The following RORB variants were observed in gnomAD, a reference collection of about 807,000 sequenced individuals.
The protein encoded by RORB is RAR related orphan receptor B.
A neutral mutation model predicts 59.1 loss-of-function variants in RORB; 6 were observed. The observed-to-expected ratio is 0.10, with a 90% confidence interval of 0.06 to 0.20. RORB has a LOEUF of 0.20. Among genes scored for constraint, RORB ranks in the 10% least tolerant of loss-of-function variants. The pLI is 1.00. For missense variants in RORB, 320 were observed against 560.5 expected (o/e 0.57, Z 4.33); for synonymous variants, 215 against 204.5 (o/e 1.05, Z -0.44).
intron 5 of RORB, 124 bp downstream of exon 5, chr9:74,660,862 C>T (rs1221213281): frequency 5.2e-6 from 5 of 957,018 alleles, no homozygotes; most frequent in East Asian, 5.3e-5. Flanking sequence ...GCAAATTGTT[C>T]GATACTTACC....
At chr9:74,617,297 T>C (rs1343743459) in intron 1 of RORB, among the ~76,000 whole-genome samples, 1 of 152,154 alleles carries the variant, frequency 6.6e-6, no homozygotes, top group Non-Finnish European at 1.5e-5. Context: ...CATTAGATTG[T>C]TCTACTTGTA....
At chr9:74,658,529 G>C (rs1272458058) in intron 4 of RORB, among the ~76,000 whole-genome samples, 1 of 152,144 alleles carries the variant, frequency 6.6e-6, no homozygotes, top group Non-Finnish European at 1.5e-5. Context: ...CAATACAATT[G>C]TGAGTGGCAA....
intron 1 of RORB, among the ~76,000 whole-genome samples, chr9:74,557,102 C>T (rs993550548): frequency 5.9e-5 from 9 of 152,042 alleles, no homozygotes; most frequent in East Asian, 3.9e-4. Context: ...TCATAAGACA[C>T]GGGTGAAGTT....
intron 4 of RORB, among the ~76,000 whole-genome samples, chr9:74,644,726 GA>G (rs1587403130): frequency 6.6e-6 from 1 of 152,184 alleles, no homozygotes; most frequent in East Asian, 1.9e-4. Context: ...TAATTTGAGA[GA>G]TATGTTTGAA....
intron 9 of RORB, among the ~76,000 whole-genome samples, chr9:74,680,607 G>T (rs1404211875): frequency 6.6e-6 from 1 of 152,168 alleles, no homozygotes. Context: ...CCAGAAAGAT[G>T]TCTCAAGTTT....
chr9:74,649,790 T>C (rs1056680491), intron 4 of RORB, among the ~76,000 whole-genome samples: 1 of 152,228 alleles, frequency 6.6e-6, no homozygotes, highest in Non-Finnish European at 1.5e-5. Context: ...TTACAGTACA[T>C]GTGTGCATAT....
chr9:74,513,668 A>G (rs1798881569), intron 1 of RORB, among the ~76,000 whole-genome samples: 1 of 152,110 alleles, frequency 6.6e-6, no homozygotes, highest in African/African-American at 2.4e-5. Flanking sequence ...GAATAAAATC[A>G]TGTGCAGGAA....
intron 1 of RORB, among the ~76,000 whole-genome samples, chr9:74,502,585 T>C (rs1011113774): frequency 8.5e-5 from 13 of 152,064 alleles, no homozygotes; most frequent in Admixed American, 6.6e-5. Context: ...TTAAAGTGCA[T>C]ATTATAGCAT....
intron 1 of RORB, among the ~76,000 whole-genome samples, chr9:74,594,905 C>T (rs1822949591): frequency 6.6e-6 from 1 of 152,144 alleles, no homozygotes; most frequent in Non-Finnish European, 1.5e-5. Context: ...AGGATATCCT[C>T]CCCTTTTTAT....
At chr9:74,507,250 C>T (rs1825882024) in intron 1 of RORB, among the ~76,000 whole-genome samples, 1 of 151,984 alleles carries the variant, frequency 6.6e-6, no homozygotes, top group Non-Finnish European at 1.5e-5. Context: ...GTGTTTTTCT[C>T]TAGCTTTTAT....
intron 1 of RORB, among the ~76,000 whole-genome samples, chr9:74,531,006 TC>T (rs1826228895): frequency 6.6e-6 from 1 of 151,980 alleles, no homozygotes; most frequent in South Asian, 2.1e-4. Context: ...TTATAACTCT[TC>T]CTTTTTCCTT....
At chr9:74,533,257 G>A (rs778858467) in intron 1 of RORB, among the ~76,000 whole-genome samples, 1 of 151,896 alleles carries the variant, frequency 6.6e-6, no homozygotes, top group East Asian at 1.9e-4. Context: ...AGAGGATCCC[G>A]TCAGTGTCAA....
intron 8 of RORB, among the ~76,000 whole-genome samples, chr9:74,669,150 T>C (rs537179081): frequency 1.3e-5 from 2 of 152,310 alleles, no homozygotes; most frequent in South Asian, 2.1e-4. Flanking sequence ...TATTTATGGA[T>C]CAACTAGAAC....
chr9:74,631,605 T>C (rs1425784737), intron 2 of RORB, among the ~76,000 whole-genome samples: 1 of 152,078 alleles, frequency 6.6e-6, no homozygotes, highest in East Asian at 1.9e-4. Flanking sequence ...GAATTAAAAC[T>C]GGAGTGAAGA....
At chr9:74,612,568 A>G (rs1823247739) in intron 1 of RORB, among the ~76,000 whole-genome samples, 1 of 152,184 alleles carries the variant, frequency 6.6e-6, no homozygotes, top group Non-Finnish European at 1.5e-5. Context: ...CTAGGCGACA[A>G]GCATACTCTG....
intron 9 of RORB, among the ~76,000 whole-genome samples, chr9:74,672,864 T>G (rs1040525853): frequency 6.6e-6 from 1 of 152,158 alleles, no homozygotes; most frequent in Non-Finnish European, 1.5e-5. Flanking sequence ...CTTTATATTT[T>G]TATCATTAAA....
chr9:74,640,118 T>C (rs1823773369), intron 3 of RORB, among the ~76,000 whole-genome samples: 1 of 152,248 alleles, frequency 6.6e-6, no homozygotes, highest in East Asian at 1.9e-4. Flanking sequence ...GAGTTTAGTC[T>C]GAATGAGTCA....
chr9:74,682,405 C>T (rs1824562039), intron 9 of RORB, among the ~76,000 whole-genome samples: 1 of 151,198 alleles, frequency 6.6e-6, no homozygotes, highest in African/African-American at 2.4e-5. Flanking sequence ...GCACGTTGTG[C>T]ACATGTACCC....
intron 1 of RORB, among the ~76,000 whole-genome samples, chr9:74,519,280 G>T (rs1826051714): frequency 6.6e-6 from 1 of 151,950 alleles, no homozygotes; most frequent in Admixed American, 6.6e-5. Flanking sequence ...GTGTGCACAC[G>T]CATGCACGCG....
Sources: allele counts gnomAD v4.1 joint callset (sites outside exome capture counted in the v4.1 genomes callset), GRCh38; gene constraint gnomAD v4.1.1; transcripts MANE v1.5; gene names NCBI Gene and HGNC (gene_info 2026-07-23, HGNC 2026-07-21).